Variants in RANBP2 observed in about 807,000 individuals in gnomAD.
The protein encoded by RANBP2 is E3 SUMO-protein ligase RanBP2.
RANBP2 carries 57 observed loss-of-function variants against 303.6 expected under a neutral mutation model. The ratio of observed to expected loss-of-function variants is 0.19; its 90% CI spans 0.15 to 0.23. The LOEUF (loss-of-function observed/expected upper bound fraction) is 0.23, where lower values mean the gene tolerates loss of function less well. Among genes scored for constraint, RANBP2 ranks in the 10% least tolerant of loss-of-function variants. The pLI is 1.00. For missense variants in RANBP2, 3,138 were observed against 3,780.8 expected (o/e 0.83, Z 4.46); for synonymous variants, 1,167 against 1,301.5 (o/e 0.90, Z 2.23).
chr2:109,691,074 G>A, the RANBP2 span, among the ~76,000 whole-genome samples: 1 of 152,298 alleles, frequency 6.6e-6, no homozygotes, highest in East Asian at 1.9e-4. Context: ...AAATGACAGA[G>A]CAAAGACCTT....
At chr2:108,991,284 A>G in the RANBP2 span, among the ~76,000 whole-genome samples, 7 of 152,242 alleles carry the variant, frequency 4.6e-5, no homozygotes, top group Non-Finnish European at 1.0e-4. Flanking sequence ...ATGAGAAATC[A>G]TTGCTTATCT....
At chr2:108,836,478 T>C in the RANBP2 span, among the ~76,000 whole-genome samples, 1 of 152,220 alleles carries the variant, frequency 6.6e-6, no homozygotes, top group Non-Finnish European at 1.5e-5. Context: ...CTTGCAAATA[T>C]CCTTTCAAGA....
chr2:108,916,085 G>T, the RANBP2 span, among the ~76,000 whole-genome samples: 1 of 152,084 alleles, frequency 6.6e-6, no homozygotes. Flanking sequence ...TGTTTGCTGG[G>T]GGGTAGCCTC....
chr2:108,890,502 C>T, the RANBP2 span, among the ~76,000 whole-genome samples: 5 of 152,278 alleles, frequency 3.3e-5, no homozygotes, highest in South Asian at 8.3e-4. Flanking sequence ...ATCTCAGCCT[C>T]CCAAAGTGCT....
chr2:109,000,982 G>C, the RANBP2 span, among the ~76,000 whole-genome samples: 2 of 152,150 alleles, frequency 1.3e-5, no homozygotes, highest in African/African-American at 4.8e-5. Flanking sequence ...CATGTGCTGT[G>C]AGCCTCTGAG....
chr2:109,182,882 T>G, the RANBP2 span, among the ~76,000 whole-genome samples: 1 of 152,236 alleles, frequency 6.6e-6, no homozygotes, highest in Admixed American at 6.5e-5. Context: ...CATATAAAAT[T>G]ATACTGTTTT....
At chr2:109,339,895 C>A in the RANBP2 span, among the ~76,000 whole-genome samples, 6 of 152,162 alleles carry the variant, frequency 3.9e-5, no homozygotes, top group African/African-American at 1.4e-4. Context: ...AGATAATTAT[C>A]AGGGCTCCAC....
At chr2:109,426,063 A>C in the RANBP2 span, among the ~76,000 whole-genome samples, 2 of 152,088 alleles carry the variant, frequency 1.3e-5, no homozygotes, top group Non-Finnish European at 2.9e-5. Flanking sequence ...ACGCCCAGCT[A>C]ATTTTTGTAT....
chr2:109,398,165 G>A, the RANBP2 span, among the ~76,000 whole-genome samples: 1 of 152,224 alleles, frequency 6.6e-6, no homozygotes, highest in African/African-American at 2.4e-5. Context: ...GGGACCTGCA[G>A]TGCTCAGGGC....
At chr2:109,604,379 A>AAGGAAG in the RANBP2 span, among the ~76,000 whole-genome samples, 2 of 25,892 alleles carry the variant, frequency 7.7e-5, no homozygotes, top group African/African-American at 3.1e-4. Flanking sequence ...AAAGAAGGGA[A>AAGGAAG]GGGAAGGGGA....
At chr2:109,269,352 G>A in the RANBP2 span, among the ~76,000 whole-genome samples, 5 of 152,216 alleles carry the variant, frequency 3.3e-5, no homozygotes, top group African/African-American at 1.2e-4. Context: ...AACAGAGGGA[G>A]CCTCCCCACA....
the RANBP2 span, among the ~76,000 whole-genome samples, chr2:108,871,515 G>A: frequency 9.2e-5 from 14 of 152,110 alleles, no homozygotes; most frequent in African/African-American, 2.9e-4. Flanking sequence ...TCATGCCACT[G>A]CACTCCAGCC....
the RANBP2 span, among the ~76,000 whole-genome samples, chr2:109,681,667 TG>T: frequency 6.6e-6 from 1 of 152,276 alleles, no homozygotes; most frequent in South Asian, 2.1e-4. Flanking sequence ...GGCAGGGCCC[TG>T]GGTGGTCTCA....
At chr2:109,436,980 A>G in the RANBP2 span, 3 of 1,613,872 alleles carry the variant, frequency 1.9e-6, no homozygotes, top group Non-Finnish European at 2.5e-6. Context: ...CCATGCACCC[A>G]GGCAGTGGGA....
chr2:109,601,274 T>C, the RANBP2 span, among the ~76,000 whole-genome samples: 1 of 152,206 alleles, frequency 6.6e-6, no homozygotes, highest in Non-Finnish European at 1.5e-5. Context: ...CAGCCACCAG[T>C]CATCTCATTA....
chr2:109,014,192 G>A, the RANBP2 span, among the ~76,000 whole-genome samples: 1 of 152,154 alleles, frequency 6.6e-6, no homozygotes, highest in Non-Finnish European at 1.5e-5. Flanking sequence ...GAAGAGACAG[G>A]CTTTCTTTCA....
At chr2:108,788,698 T>A, downstream of RANBP2, 1 of 629,042 alleles carries the variant, frequency 1.6e-6, no homozygotes, top group Non-Finnish European at 2.0e-6. Context: ...CCAGCCTGGG[T>A]GACAGAGCGA....
At chr2:108,969,559 A>G in the RANBP2 span, among the ~76,000 whole-genome samples, 1 of 152,196 alleles carries the variant, frequency 6.6e-6, no homozygotes, top group Admixed American at 6.5e-5. Context: ...AGGGCTGTAA[A>G]ATGGGGGTCA....
chr2:108,980,886 G>A, the RANBP2 span, among the ~76,000 whole-genome samples: 1 of 152,140 alleles, frequency 6.6e-6, no homozygotes, highest in Admixed American at 6.6e-5. Context: ...CCGTGTAGCT[G>A]CCCCTTAACT....
Sources: allele counts gnomAD v4.1 joint callset (sites outside exome capture counted in the v4.1 genomes callset), GRCh38; gene constraint gnomAD v4.1.1; transcripts MANE v1.5; gene names NCBI Gene and HGNC (gene_info 2026-07-23, HGNC 2026-07-21).